BCKDHB: variants seen among roughly 807,000 people sequenced by gnomAD.
BCKDHB encodes the protein 2-oxoisovalerate dehydrogenase subunit beta, mitochondrial.
A neutral mutation model predicts 48.5 loss-of-function variants in BCKDHB; 41 were observed. The observed-to-expected ratio is 0.85, with a 90% confidence interval of 0.66 to 1.10. BCKDHB has a LOEUF of 1.10. Among genes scored for constraint, BCKDHB ranks in the 50% least tolerant of loss-of-function variants. The probability of loss-of-function intolerance (pLI) is 0.00; values close to 1 mark genes in which losing one functional copy is unlikely to be tolerated. For missense variants in BCKDHB, 496 were observed against 494.2 expected (o/e 1.00, Z -0.03); for synonymous variants, 201 against 174.8 (o/e 1.15, Z -1.18).
At chr6:80,390,805 G>C in the BCKDHB span, among the ~76,000 whole-genome samples, 1 of 152,158 alleles carries the variant, frequency 6.6e-6, no homozygotes, top group South Asian at 2.1e-4. Flanking sequence ...TGGATTAAAG[G>C]ATACAAAGTA....
intron 5 of BCKDHB, 113 bp from the exon 6 acceptor site, chr6:80,171,169 A>G (rs1047610283): frequency 9.2e-6 from 6 of 653,396 alleles, no homozygotes; most frequent in Non-Finnish European, 1.6e-5. Flanking sequence ...TAAATAGCCA[A>G]TATCTATTTT....
chr6:80,445,337 A>G, the BCKDHB span, among the ~76,000 whole-genome samples: 3 of 152,190 alleles, frequency 2.0e-5, no homozygotes, highest in Non-Finnish European at 2.9e-5. Context: ...CAAAAAATAT[A>G]TCAAACCATT....
chr6:80,197,168 C>T (rs893873361), intron 6 of BCKDHB, among the ~76,000 whole-genome samples: 2 of 152,066 alleles, frequency 1.3e-5, no homozygotes, highest in Admixed American at 6.6e-5. Flanking sequence ...AGCACATAGC[C>T]GTGGGGTAGG....
chr6:80,202,055 A>C (rs1259988134), intron 7 of BCKDHB, among the ~76,000 whole-genome samples: 2 of 151,428 alleles, frequency 1.3e-5, no homozygotes, highest in Non-Finnish European at 2.9e-5. Flanking sequence ...CCTTTTTGCT[A>C]TCCTTCTGTC....
intron 9 of BCKDHB, among the ~76,000 whole-genome samples, chr6:80,328,342 G>A (rs79945878): frequency 0.011 from 1,603 of 152,230 alleles, 22 homozygotes; most frequent in African/African-American, 0.036. Context: ...GGCTGATTGA[G>A]TGGAAAAGGG....
chr6:80,131,466 C>G (rs950457227), intron 3 of BCKDHB, among the ~76,000 whole-genome samples: 2 of 152,100 alleles, frequency 1.3e-5, no homozygotes, highest in Admixed American at 6.6e-5. Flanking sequence ...TCTGGCCCCT[C>G]CTTTCCATTC....
chr6:80,241,763 C>G (rs887206566), intron 8 of BCKDHB, among the ~76,000 whole-genome samples: 5 of 152,184 alleles, frequency 3.3e-5, no homozygotes, highest in Admixed American at 3.3e-4. Flanking sequence ...TACACGCTCA[C>G]CAGCAGTATG....
intron 8 of BCKDHB, among the ~76,000 whole-genome samples, chr6:80,250,582 CCT>C (rs1344698835): frequency 6.6e-6 from 1 of 152,048 alleles, no homozygotes; most frequent in Non-Finnish European, 1.5e-5. Context: ...TGGGAGGCCT[CCT>C]CTGTGTACTT....
chr6:80,242,584 C>G (rs561643921), intron 8 of BCKDHB, among the ~76,000 whole-genome samples: 14 of 152,108 alleles, frequency 9.2e-5, no homozygotes, highest in South Asian at 6.2e-4. Flanking sequence ...CACACACACA[C>G]AGTTCACATT....
At chr6:80,228,897 A>G (rs1775792251) in intron 8 of BCKDHB, among the ~76,000 whole-genome samples, 1 of 152,136 alleles carries the variant, frequency 6.6e-6, no homozygotes, top group South Asian at 2.1e-4. Context: ...GAGGGCCTGG[A>G]CTTCCAACCT....
the BCKDHB span, among the ~76,000 whole-genome samples, chr6:80,450,432 A>T: frequency 6.6e-6 from 1 of 152,054 alleles, no homozygotes; most frequent in African/African-American, 2.4e-5. Flanking sequence ...TAGCACCATT[A>T]CCCACCAGAC....
downstream of BCKDHB, among the ~76,000 whole-genome samples, chr6:80,347,435 T>A (rs1770263367): frequency 6.6e-6 from 1 of 152,194 alleles, no homozygotes; most frequent in Admixed American, 6.5e-5. Context: ...TACAGGGAAC[T>A]CTGCACTGAC....
intron 3 of BCKDHB, among the ~76,000 whole-genome samples, chr6:80,149,063 C>A (rs1397394927): frequency 6.6e-5 from 10 of 152,026 alleles, no homozygotes; most frequent in Non-Finnish European, 1.0e-4. Context: ...ATTTTTGCAA[C>A]CTACTCATCT....
At chr6:80,400,603 C>T in the BCKDHB span, among the ~76,000 whole-genome samples, 258 of 152,060 alleles carry the variant, frequency 1.7e-3, no homozygotes, top group African/African-American at 6.0e-3. Flanking sequence ...GAAAAGGGAA[C>T]ACATATACTG....
chr6:80,376,683 A>G, the BCKDHB span, among the ~76,000 whole-genome samples: 4 of 151,968 alleles, frequency 2.6e-5, no homozygotes, highest in African/African-American at 7.2e-5. Context: ...TCTATTTTTC[A>G]CTTGTTTATC....
At chr6:80,222,210 C>T (rs942911439) in intron 8 of BCKDHB, among the ~76,000 whole-genome samples, 5 of 152,152 alleles carry the variant, frequency 3.3e-5, no homozygotes, top group African/African-American at 1.2e-4. Context: ...TAAGTCAGAA[C>T]ATCCAGTATT....
intron 3 of BCKDHB, among the ~76,000 whole-genome samples, chr6:80,130,385 G>T (rs1770569234): frequency 6.6e-6 from 1 of 151,924 alleles, no homozygotes; most frequent in Non-Finnish European, 1.5e-5. Flanking sequence ...CTCTTTTTCT[G>T]TTCCACTCTT....
the BCKDHB span, among the ~76,000 whole-genome samples, chr6:80,464,894 T>C: frequency 7.9e-5 from 12 of 152,312 alleles, no homozygotes; most frequent in South Asian, 2.5e-3. Context: ...TACCCCTCCA[T>C]TGGCTTCTTC....
At chr6:80,130,671 A>G (rs1049743585) in intron 3 of BCKDHB, among the ~76,000 whole-genome samples, 2 of 152,234 alleles carry the variant, frequency 1.3e-5, no homozygotes, top group African/African-American at 4.8e-5. Flanking sequence ...TAATGCATAT[A>G]CATTGTAGAA....
Sources: gnomAD v4.1 joint callset for allele counts (sites outside exome capture counted in the v4.1 genomes callset) on GRCh38, gnomAD v4.1.1 for gene constraint, MANE v1.5 for transcripts, NCBI Gene and HGNC (gene_info 2026-07-23, HGNC 2026-07-21) for gene names.